Variants in ANTXR1 observed in about 807,000 individuals in gnomAD.
ANTXR1 encodes the protein ANTXR cell adhesion molecule 1.
In ANTXR1, 19 loss-of-function variants were observed where a neutral mutation model predicts 78.1. That is an observed-to-expected ratio of 0.24 (90% confidence interval 0.17 to 0.36). The LOEUF is 0.36. ANTXR1 is among the 10% of genes least tolerant of loss of function. The pLI, the probability that ANTXR1 is intolerant of heterozygous loss-of-function variation, is 1.00. For synonymous variants in ANTXR1, 273 were observed against 260.5 expected (o/e 1.05, Z -0.46); for missense variants, 518 against 718.6 (o/e 0.72, Z 3.19).
At chr2:69,039,844 G>T (rs986248236) in intron 1 of ANTXR1, among the ~76,000 whole-genome samples, 200 bp from the exon 2 acceptor site, 22 of 152,042 alleles carry the variant, frequency 1.4e-4, no homozygotes, top group Non-Finnish European at 4.4e-5. Flanking sequence ...GATTGGGGGA[G>T]TTCTTTTACA....
At chr2:69,048,667 CT>C (rs1669845973) in intron 3 of ANTXR1, among the ~76,000 whole-genome samples, 1 of 152,126 alleles carries the variant, frequency 6.6e-6, no homozygotes, top group African/African-American at 2.4e-5. Context: ...GGGTTCATTA[CT>C]GGATTTTCTA....
At chr2:69,224,461 AGTTTT>A (rs976516209) in intron 17 of ANTXR1, among the ~76,000 whole-genome samples, 42 of 152,268 alleles carry the variant, frequency 2.8e-4, no homozygotes, top group African/African-American at 9.9e-4. Context: ...TCTTCACTTT[AGTTTT>A]ATCACCCTTT....
At chr2:69,026,728 G>A (rs910202113) in intron 1 of ANTXR1, among the ~76,000 whole-genome samples, 9 of 152,122 alleles carry the variant, frequency 5.9e-5, no homozygotes, top group African/African-American at 2.2e-4. Context: ...TGAGCTGAGG[G>A]GCTTAATGGG....
At chr2:69,042,469 A>G (rs113327972) in intron 2 of ANTXR1, among the ~76,000 whole-genome samples, 177 of 152,006 alleles carry the variant, frequency 1.2e-3, no homozygotes, top group African/African-American at 4.1e-3. Flanking sequence ...ACTTTATCCC[A>G]TTGTCTCCAG....
At chr2:69,233,270 T>C (rs1675672208) in intron 17 of ANTXR1, among the ~76,000 whole-genome samples, 3 of 152,022 alleles carry the variant, frequency 2.0e-5, no homozygotes, top group Admixed American at 6.5e-5. Context: ...CCAAATTGTT[T>C]TGTGAAGTTA....
At chr2:69,182,908 T>G (rs1251726631) in intron 16 of ANTXR1, 1 of 542,992 alleles carries the variant, frequency 1.8e-6, no homozygotes, top group African/African-American at 1.9e-5. Flanking sequence ...ATAGTAAAAC[T>G]GGAACAATAT....
At chr2:69,046,108 G>A (rs1162863384) in intron 3 of ANTXR1, among the ~76,000 whole-genome samples, 1 of 152,114 alleles carries the variant, frequency 6.6e-6, no homozygotes, top group Non-Finnish European at 1.5e-5. Context: ...CACCCCTTAT[G>A]CAGAGATGTT....
intron 13 of ANTXR1, among the ~76,000 whole-genome samples, chr2:69,167,121 A>T (rs563579010): frequency 1.2e-4 from 19 of 152,320 alleles, no homozygotes; most frequent in South Asian, 6.2e-4. Flanking sequence ...AGGAACAAGA[A>T]GGTGCCCAGG....
chr2:69,197,456 C>T (rs1047283699), intron 17 of ANTXR1, among the ~76,000 whole-genome samples: 2 of 152,160 alleles, frequency 1.3e-5, no homozygotes, highest in African/African-American at 4.8e-5. Context: ...GCTCTGAGCA[C>T]GTGGAATTAA....
rs982503026 is a variant in ANTXR1, at chr2:69,248,623, G to A, written c.*3138G>A. 6.6e-6 allele frequency: 1 copy of A among 152,210 alleles called. No individual in the cohort carries two copies. The highest frequency in any genetic ancestry group is 1.5e-5 in the Non-Finnish European group (1 of 68,024). The allele number at this position is 152,210 out of a possible 1,614,324, so 9.4% of individuals were successfully genotyped here. A position where few individuals can be genotyped will look rare whatever the true frequency, so the allele number is the denominator to read the frequency against. On this transcript the variant is annotated 3_prime_UTR_variant, in exon 18 of 18. Transcript: ENST00000303714. ...ATATCTGGCCATGGGTAACCTCATT[G>A]TAACTATCATCAGAATGGGCAGAGA... is the stretch of plus-strand genomic sequence containing the variant.
At chr2:69,070,425 T>C (rs566870827) in intron 3 of ANTXR1, among the ~76,000 whole-genome samples, 166 of 152,324 alleles carry the variant, frequency 1.1e-3, no homozygotes, top group African/African-American at 3.8e-3. Context: ...TGGAGAGTCC[T>C]GCAGAAGAGT....
chr2:69,103,230 A>C (rs1041314609), intron 10 of ANTXR1: 1 of 446,636 alleles, frequency 2.2e-6, no homozygotes, highest in Non-Finnish European at 4.2e-6. Flanking sequence ...GCCCTGCAGC[A>C]GCCCTCCGGA....
At chr2:69,139,952 C>G (rs1349867072) in intron 12 of ANTXR1, among the ~76,000 whole-genome samples, 1 of 152,176 alleles carries the variant, frequency 6.6e-6, no homozygotes, top group Non-Finnish European at 1.5e-5. Flanking sequence ...TTTCAACACC[C>G]CACTTCCAAG....
At chr2:69,107,972 A>C (rs1671864349) in intron 10 of ANTXR1, among the ~76,000 whole-genome samples, 1 of 152,180 alleles carries the variant, frequency 6.6e-6, no homozygotes, top group Non-Finnish European at 1.5e-5. Context: ...AGGACAATCC[A>C]TTTCACCACT....
chr2:69,090,538 A>G, intron 8 of ANTXR1: 1 of 403,374 alleles, frequency 2.5e-6, no homozygotes, highest in Admixed American at 3.7e-5. Flanking sequence ...TTCCAGAGTT[A>G]AGTCCCATTT....
chr2:69,182,964 G>A (rs750429269), intron 16 of ANTXR1: 118 of 354,134 alleles, frequency 3.3e-4, no homozygotes, highest in Non-Finnish European at 5.4e-4. Context: ...ATGCAAATTC[G>A]TGAAGTGTTC....
chr2:69,073,475 A>T (rs1238405078), intron 6 of ANTXR1, among the ~76,000 whole-genome samples: 1 of 152,218 alleles, frequency 6.6e-6, no homozygotes, highest in Non-Finnish European at 1.5e-5. Context: ...GGAGGAAGGG[A>T]AAGAATTACT....
At chr2:69,216,376 C>T (rs1675175005) in intron 17 of ANTXR1, among the ~76,000 whole-genome samples, 2 of 152,150 alleles carry the variant, frequency 1.3e-5, no homozygotes, top group African/African-American at 2.4e-5. Context: ...CAAACATGCA[C>T]ATACACATAC....
At position 69,124,623 on chromosome 2, in the gene ANTXR1, A is replaced by G. The variant is rs758837226; in HGVS notation, c.931A>G (p.Ile311Val). Residue 311 changes from isoleucine (I) to valine (V), a missense_variant, in exon 12 of 18, where the codon ATC becomes GTC. Ile to Val is a conservative substitution (Grantham distance 29, BLOSUM62 3). This residue lies in a region of ANTXR1 where 264 missense variants were observed against 391.8 expected (regional missense o/e 0.67). Coordinates refer to ENST00000303714, the MANE Select transcript of ANTXR1 (RefSeq NM_032208.3). Reference sequence around the variant, plus strand: ...CCTCTCTTTTATCTCCAGTTCTGTCATCATCACCACCACACACTGTGTAAG... The same window carrying G: ...CCTCTCTTTTATCTCCAGTTCTGTCGTCATCACCACCACACACTGTGTAAG... Reference protein sequence around the residue: ...DGLSFISSSVIITTTHCSDGS... With the variant: ...DGLSFISSSVVITTTHCSDGS... The G allele has an allele frequency of 1.9e-6, 3 of 1,614,102 alleles. No homozygotes were observed. Among genetic ancestry groups the G allele is most frequent in the African/African-American group, 2.7e-5 (2 of 74,928 alleles).
Sources: gnomAD v4.1 joint callset for allele counts (sites outside exome capture counted in the v4.1 genomes callset) on GRCh38, gnomAD v4.1.1 for gene constraint, gnomAD v4.1.1 regional missense constraint, MANE v1.5 for transcripts, NCBI Gene and HGNC (gene_info 2026-07-23, HGNC 2026-07-21) for gene names.